The following PARD3B variants were observed in gnomAD, a reference collection of about 807,000 sequenced individuals.
The protein encoded by PARD3B is partitioning defective 3 homolog B.
A neutral mutation model predicts 130.2 loss-of-function variants in PARD3B; 103 were observed. That is an observed-to-expected ratio of 0.79 (90% confidence interval 0.67 to 0.93). The LOEUF (loss-of-function observed/expected upper bound fraction) is 0.93. Ranked by LOEUF, PARD3B falls within the 40% of genes least tolerant of loss-of-function variation. The pLI is 0.00. For missense variants in PARD3B, 1,609 were observed against 1,499.2 expected, an observed-to-expected ratio of 1.07 and a Z score of -1.21; for synonymous variants, 583 against 553.2, an observed-to-expected ratio of 1.05 and a Z score of -0.76.
intron 10 of PARD3B, among the ~76,000 whole-genome samples, chr2:205,132,808 GGTT>G (rs2032129218): frequency 1.3e-5 from 2 of 152,112 alleles, no homozygotes; most frequent in South Asian, 4.1e-4. Flanking sequence ...TACCTTGTAG[GGTT>G]GTGTGAGAAT....
intron 2 of PARD3B, among the ~76,000 whole-genome samples, chr2:204,776,987 A>G (rs1257604267): frequency 6.6e-6 from 1 of 152,132 alleles, no homozygotes; most frequent in Non-Finnish European, 1.5e-5. Context: ...GAAGGAAGCC[A>G]AAGGATTACA....
At chr2:205,580,391 G>A (rs1035163) in intron 22 of PARD3B, among the ~76,000 whole-genome samples, 70,265 of 151,900 alleles carry the variant, frequency 0.46, 16,537 homozygotes, top group South Asian at 0.57. Context: ...GGGCTTCTCC[G>A]GTCTCTTCCT....
chr2:205,004,743 G>A (rs1695114803), intron 3 of PARD3B, among the ~76,000 whole-genome samples: 1 of 152,094 alleles, frequency 6.6e-6, no homozygotes, highest in Non-Finnish European at 1.5e-5. Context: ...AATATGTGAG[G>A]GCAACTATTA....
At chr2:204,941,518 G>A (rs1213849342) in intron 2 of PARD3B, among the ~76,000 whole-genome samples, 3 of 152,170 alleles carry the variant, frequency 2.0e-5, no homozygotes, top group Non-Finnish European at 2.9e-5. Context: ...AGACTTCCTA[G>A]CAGGATTAGA....
At chr2:204,964,033 A>C (rs236846) in intron 2 of PARD3B, among the ~76,000 whole-genome samples, 107,580 of 152,170 alleles carry the variant, frequency 0.71, 38,919 homozygotes, top group African/African-American at 0.85. Flanking sequence ...GTTATTAATA[A>C]TATTGCCAAC....
intron 2 of PARD3B, among the ~76,000 whole-genome samples, chr2:204,959,799 C>T (rs190786050): frequency 6.6e-6 from 1 of 152,284 alleles, no homozygotes; most frequent in Non-Finnish European, 1.5e-5. Context: ...GTTAATGAAG[C>T]TAGTGCCTAA....
intron 1 of PARD3B, among the ~76,000 whole-genome samples, chr2:204,590,328 C>G (rs1373178754): frequency 6.6e-6 from 1 of 152,168 alleles, no homozygotes; most frequent in African/African-American, 2.4e-5. Flanking sequence ...TAATACATCC[C>G]ATTTGGGATT....
chr2:205,409,231 G>A (rs1021108826), intron 19 of PARD3B, among the ~76,000 whole-genome samples: 1 of 152,034 alleles, frequency 6.6e-6, no homozygotes, highest in African/African-American at 2.4e-5. Flanking sequence ...ATTGATGCTC[G>A]TGTAAAGGTA....
At chr2:204,725,587 G>A (rs761321675) in intron 2 of PARD3B, among the ~76,000 whole-genome samples, 4 of 152,176 alleles carry the variant, frequency 2.6e-5, no homozygotes, top group Admixed American at 1.3e-4. Context: ...ACATCCACTC[G>A]TCATCTTCAG....
At position 205,485,502 on chromosome 2, in the gene PARD3B, C is replaced by A. The variant is rs567836444; in HGVS notation, c.3045-14394C>A. ...CACAAGAAATCATCAAATCTAAGTA[C>A]AAGAAAAGCTCAGAGAGGTCAGCTA... On this transcript the variant is annotated intron_variant, in intron 20 of 22. Transcript: ENST00000406610. Among the ~76,000 whole-genome samples, 13 of 152,256 alleles carry A rather than the reference C, an allele frequency of 8.5e-5. No homozygotes were observed. The South Asian group carries it at 2.5e-3, about 29-fold the overall frequency.
rs1702121757 is a variant in PARD3B at position 205,091,697 on chromosome 2, G to A, written c.505-12729G>A. Among the ~76,000 whole-genome samples the A allele has an allele frequency of 6.6e-6, 1 of 152,142 alleles. No individual in the cohort carries two copies. Among genetic ancestry groups the A allele is most frequent in the African/African-American group, 2.4e-5 (1 of 41,428 alleles). ...TGGGGGTGAGGTTAGAGAAAGAATAGCAGTGTGTTTGGGATCTTGCTGGTG... is the reference window on the plus strand; with the variant it reads ...TGGGGGTGAGGTTAGAGAAAGAATAACAGTGTGTTTGGGATCTTGCTGGTG... On this transcript the variant is annotated intron_variant, in intron 4 of 22. Coordinates refer to ENST00000406610, the MANE Select transcript of PARD3B (RefSeq NM_001302769.2). This position sits in a 1 kb window ranked among gnomAD's most constrained non-coding sequence, Gnocchi z 4.2.
chr2:204,703,692 A>G (rs552772466), intron 2 of PARD3B, among the ~76,000 whole-genome samples: 1 of 152,286 alleles, frequency 6.6e-6, no homozygotes, highest in South Asian at 2.1e-4. Flanking sequence ...TAAGCATGGC[A>G]TTTCATTTTA....
intron 4 of PARD3B, among the ~76,000 whole-genome samples, chr2:205,095,686 C>T (rs886111813): frequency 3.3e-5 from 5 of 152,106 alleles, no homozygotes; most frequent in Non-Finnish European, 7.4e-5. Context: ...TTTTTAAAAG[C>T]TCACAGCTGT....
intron 3 of PARD3B, among the ~76,000 whole-genome samples, chr2:205,029,276 C>T (rs747086893): frequency 3.3e-5 from 5 of 152,148 alleles, no homozygotes; most frequent in Non-Finnish European, 5.9e-5. Flanking sequence ...CCATCACCCT[C>T]TACTCACATC....
In PARD3B at chr2:205,448,668, G is replaced by A. The variant is rs115206165; in HGVS notation, c.3044+7996G>A. The stretch of plus-strand genomic sequence containing the variant: ...GCTCCTCCATGTCATTGATAAGATC[G>A]TTGATCAATGTCAAATACAATCCCA... On this transcript the variant is annotated intron_variant, in intron 20 of 22. Transcript: ENST00000406610. Among the ~76,000 whole-genome samples the A allele has an allele frequency of 5.4e-3, 819 of 152,152 alleles. 5 individuals carry two copies. Among genetic ancestry groups the A allele is most frequent in the African/African-American group, 0.016 (644 of 41,510 alleles).
intron 2 of PARD3B, among the ~76,000 whole-genome samples, chr2:204,720,823 A>G (rs1384963891): frequency 1.3e-5 from 2 of 152,128 alleles, no homozygotes; most frequent in Non-Finnish European, 2.9e-5. Flanking sequence ...CTCATGCGGA[A>G]GTTTCAGCTG....
At chr2:204,968,656 T>G (rs1211832538) in intron 3 of PARD3B, among the ~76,000 whole-genome samples, 2 of 152,258 alleles carry the variant, frequency 1.3e-5, no homozygotes, top group Non-Finnish European at 2.9e-5. Context: ...TACTGTATAG[T>G]GAACTCATAT....
At chr2:205,152,416 C>G (rs527992553) in intron 10 of PARD3B, among the ~76,000 whole-genome samples, 2 of 152,292 alleles carry the variant, frequency 1.3e-5, no homozygotes, top group South Asian at 4.1e-4. Flanking sequence ...CAGAGTTGGT[C>G]TTTTCACATA....
chr2:204,918,353 G>A (rs1008510045), intron 2 of PARD3B, among the ~76,000 whole-genome samples: 4 of 151,952 alleles, frequency 2.6e-5, no homozygotes, highest in African/African-American at 7.2e-5. Flanking sequence ...TTTTTTGGCC[G>A]GGCGCAGTGG....
Sources: allele counts gnomAD v4.1 joint callset (sites outside exome capture counted in the v4.1 genomes callset), GRCh38; gene constraint gnomAD v4.1.1; non-coding constraint Gnocchi (gnomAD v3.1); transcripts MANE v1.5; gene names NCBI Gene and HGNC (gene_info 2026-07-23, HGNC 2026-07-21).